EXOC6B: variants seen among roughly 807,000 people sequenced by gnomAD.
EXOC6B encodes the protein SEC15 homolog B.
In EXOC6B, 54 loss-of-function variants were observed where a neutral mutation model predicts 113.5. That is an observed-to-expected ratio of 0.48 (90% CI 0.38 to 0.60). The LOEUF (loss-of-function observed/expected upper bound fraction) is 0.60. Among genes scored for constraint, EXOC6B ranks in the 20% least tolerant of loss-of-function variants. The pLI is 0.00. For missense variants in EXOC6B, 797 were observed against 977.5 expected, an observed-to-expected ratio of 0.82 and a Z score of 2.46; for synonymous variants, 357 against 339.0, an observed-to-expected ratio of 1.05 and a Z score of -0.58.
chr2:72,615,639 C>T (rs1035737132), intron 6 of EXOC6B, among the ~76,000 whole-genome samples: 1 of 143,098 alleles, frequency 7.0e-6, no homozygotes, highest in Non-Finnish European at 1.5e-5. Flanking sequence ...AAGTAAAGCA[C>T]AAACAATTAT....
intron 8 of EXOC6B, among the ~76,000 whole-genome samples, chr2:72,524,010 T>G (rs942448398): frequency 2.6e-5 from 4 of 151,818 alleles, no homozygotes; most frequent in Non-Finnish European, 5.9e-5. Context: ...GCACACACCA[T>G]TATTCTTCCG....
At chr2:72,489,689 C>T (rs1573240354) in intron 16 of EXOC6B, among the ~76,000 whole-genome samples, 1 of 152,174 alleles carries the variant, frequency 6.6e-6, no homozygotes. Flanking sequence ...AACATACAGT[C>T]TTAACCAATA....
At chr2:72,664,247 A>C (rs1049455781) in intron 6 of EXOC6B, among the ~76,000 whole-genome samples, 3 of 152,086 alleles carry the variant, frequency 2.0e-5, no homozygotes, top group Admixed American at 6.6e-5. Context: ...TATTGAGTAA[A>C]CCAGCATACT....
chr2:72,448,678 C>T lies in EXOC6B; in HGVS notation c.1980+16482G>A, dbSNP rs1696731393. On this transcript the variant is annotated intron_variant, in intron 18 of 21. Transcript: ENST00000272427. ...TTAGCAAAAATGATTATATTTTGTA[C>T]TACTAAAAAAAAAACTCCCTTGGTT... Among the ~76,000 whole-genome samples, 4 of 151,696 alleles carry T rather than the reference C, an allele frequency of 2.6e-5. No individual in the cohort carries two copies. In the South Asian group the frequency reaches 6.2e-4, roughly 24 times the overall value.
chr2:72,660,206 AAAAT>A (rs753159425), intron 6 of EXOC6B, among the ~76,000 whole-genome samples: 36 of 152,178 alleles, frequency 2.4e-4, no homozygotes, highest in Non-Finnish European at 5.1e-4. Flanking sequence ...TGGAAAAAAA[AAAAT>A]AAAGCCATTG....
chr2:72,523,888 G>A (rs1023668552), intron 8 of EXOC6B, among the ~76,000 whole-genome samples: 1 of 151,492 alleles, frequency 6.6e-6, no homozygotes, highest in African/African-American at 2.4e-5. Flanking sequence ...GTCTATTGGA[G>A]AGTGGGCTGA....
chr2:72,454,860 C>T (rs75808594), intron 18 of EXOC6B, among the ~76,000 whole-genome samples: 279 of 152,230 alleles, frequency 1.8e-3, no homozygotes, highest in African/African-American at 6.3e-3. Context: ...AATACAAAAC[C>T]TCTAAAGGAT....
chr2:72,464,929 TA>T (rs1214730628), intron 18 of EXOC6B: 1 of 556,236 alleles, frequency 1.8e-6, no homozygotes, highest in Non-Finnish European at 3.1e-6. Flanking sequence ...CATAGGAAGA[TA>T]AGCAGACATA....
intron 20 of EXOC6B, among the ~76,000 whole-genome samples, chr2:72,333,191 A>G (rs551987781): frequency 3.3e-4 from 50 of 152,292 alleles, no homozygotes; most frequent in Non-Finnish European, 5.1e-4. Context: ...AATAGAAAAT[A>G]GGAACTTAAG....
chr2:72,379,567 T>G (rs1402312663), intron 19 of EXOC6B, among the ~76,000 whole-genome samples, 162 bp downstream of exon 19: 1 of 152,222 alleles, frequency 6.6e-6, no homozygotes, highest in East Asian at 1.9e-4. Flanking sequence ...ATTAGCTTGC[T>G]GATAAACTCT....
At chr2:72,607,095 A>G (rs990151533) in intron 6 of EXOC6B, among the ~76,000 whole-genome samples, 1 of 152,182 alleles carries the variant, frequency 6.6e-6, no homozygotes, top group Admixed American at 6.5e-5. Context: ...AAGATTATGG[A>G]ATAGGATGGG....
At chr2:72,653,661 CTAATTTTGCCCCTAAAT>C (rs1674379906) in intron 6 of EXOC6B, among the ~76,000 whole-genome samples, 1 of 147,028 alleles carries the variant, frequency 6.8e-6, no homozygotes, top group African/African-American at 2.6e-5. Context: ...CTAAAAATCA[CTAATTTTGCCCCTAAAT>C]TATACCTCTA....
intron 6 of EXOC6B, among the ~76,000 whole-genome samples, chr2:72,678,044 T>A (rs1039663517): frequency 6.6e-6 from 1 of 152,120 alleles, no homozygotes; most frequent in African/African-American, 2.4e-5. Flanking sequence ...AACAAACATG[T>A]TTTCCCTCTC....
chr2:72,751,963 T>C (rs1056548797), intron 1 of EXOC6B, among the ~76,000 whole-genome samples: 13 of 152,154 alleles, frequency 8.5e-5, no homozygotes, highest in African/African-American at 3.1e-4. Context: ...TATTTATCCC[T>C]TCTCTTCATA....
At chr2:72,445,741 T>A (rs1238071544) in intron 18 of EXOC6B, among the ~76,000 whole-genome samples, 5 of 152,134 alleles carry the variant, frequency 3.3e-5, no homozygotes, top group Non-Finnish European at 7.4e-5. Flanking sequence ...TACCTCCCAC[T>A]GGGTCCCTCC....
In EXOC6B at chr2:72,498,597, T is replaced by G. The variant is rs776904851; in HGVS notation, c.1240-46A>C. ...CACTTCAGTGTCTAAGGAAGGAGTT[T>G]TTTTTTCGGTTTTTTTTTTTTTTGG... is the stretch of plus-strand genomic sequence containing the variant. On this transcript the variant is annotated intron_variant, in intron 12 of 21. Transcript: ENST00000272427. The G allele has an allele frequency of 5.2e-6, 7 of 1,339,556 alleles. No homozygotes were observed. In the East Asian group the frequency reaches 1.7e-4, roughly 32 times the overall value. The allele number at this position is 1,339,556 out of a possible 1,614,324, so 83.0% of individuals were successfully genotyped here. A position where few individuals can be genotyped will look rare whatever the true frequency, so the allele number is the denominator to read the frequency against.
chr2:72,621,088 G>A (rs1671715111), intron 6 of EXOC6B, among the ~76,000 whole-genome samples: 1 of 152,196 alleles, frequency 6.6e-6, no homozygotes, highest in Non-Finnish European at 1.5e-5. Flanking sequence ...GTGAAAAGCG[G>A]TTTGGGGTTC....
intron 20 of EXOC6B, among the ~76,000 whole-genome samples, chr2:72,232,543 G>C (rs1026497405): frequency 6.6e-6 from 1 of 152,016 alleles, no homozygotes; most frequent in African/African-American, 2.4e-5. Flanking sequence ...ATTTATACTA[G>C]GGCAAACCAG....
intron 8 of EXOC6B, among the ~76,000 whole-genome samples, chr2:72,557,142 T>C (rs891419004): frequency 6.6e-6 from 1 of 151,542 alleles, no homozygotes; most frequent in African/African-American, 2.4e-5. Context: ...CACATACATA[T>C]ACAAATCACT....
Sources: gnomAD v4.1 joint callset for allele counts (sites outside exome capture counted in the v4.1 genomes callset) on GRCh38, gnomAD v4.1.1 for gene constraint, MANE v1.5 for transcripts, NCBI Gene and HGNC (gene_info 2026-07-23, HGNC 2026-07-21) for gene names.